The following HACD3 variants were observed in gnomAD, a reference collection of about 807,000 sequenced individuals.
The protein encoded by HACD3 is 3-hydroxyacyl-CoA dehydratase 3, also known as very-long-chain (3R)-3-hydroxyacyl-CoA dehydratase 3.
Under a neutral mutation model 55.2 loss-of-function variants are expected in HACD3, and 30 were observed. That is an observed-to-expected ratio of 0.54 (90% CI 0.41 to 0.74). The LOEUF is 0.74. Ranked by LOEUF, HACD3 falls within the 30% of genes least tolerant of loss-of-function variation. The pLI, the probability that HACD3 is intolerant of heterozygous loss-of-function variation, is 0.00. For synonymous variants in HACD3, 141 were observed against 151.7 expected, an observed-to-expected ratio of 0.93 and a Z score of 0.52; for missense variants, 363 against 440.1, an observed-to-expected ratio of 0.82 and a Z score of 1.57.
In HACD3 at chr15:65,530,637, G is replaced by A. The variant is rs1168196943; in HGVS notation, c.6G>A (p.Glu2=). 6.3e-7 allele frequency: 1 copy of A among 1,577,790 alleles called. No individual in the cohort carries two copies. The highest frequency in any genetic ancestry group is 8.6e-7 in the Non-Finnish European group (1 of 1,162,870). The change falls in exon 1 of 11, where the codon GAG becomes GAA. Residue 2 remains glutamate (E), a synonymous_variant. Transcript: ENST00000261875. The part of the protein sequence containing the change: M[E]NQVLTPHVYW... The stretch of plus-strand genomic sequence containing the variant: ...GCGCCCTGGGCAGTGTGGCCATGGA[G>A]AATCAGGTGTTGACGCCGCATGTCT...
intron 1 of HACD3, among the ~76,000 whole-genome samples, chr15:65,545,360 A>G (rs549938522): frequency 9.2e-5 from 14 of 152,056 alleles, no homozygotes; most frequent in South Asian, 6.2e-4. Context: ...TTACAAGACA[A>G]TTGGCATGGG....
At chr15:65,571,447 T>C (rs2072346644) in intron 8 of HACD3, 101 bp from the exon 9 acceptor site, 1 of 824,686 alleles carries the variant, frequency 1.2e-6, no homozygotes, top group Non-Finnish European at 2.0e-6. Context: ...GAAGAAGCCA[T>C]GTGTGGCTGA....
intron 5 of HACD3, 97 bp downstream of exon 5, chr15:65,558,828 C>T (rs973020181): frequency 1.1e-5 from 15 of 1,407,786 alleles, no homozygotes; most frequent in Non-Finnish European, 1.3e-5. Flanking sequence ...ATGATTTCAT[C>T]CCGGTGAGCT....
chr15:65,559,844 A>G (rs559453872), intron 5 of HACD3, among the ~76,000 whole-genome samples: 38 of 152,308 alleles, frequency 2.5e-4, no homozygotes, highest in South Asian at 8.3e-4. Flanking sequence ...TCAAAAATAG[A>G]TAAAAATTCT....
At chr15:65,570,683 A>G (rs1279899293) in intron 8 of HACD3, among the ~76,000 whole-genome samples, 2 of 152,222 alleles carry the variant, frequency 1.3e-5, no homozygotes, top group Non-Finnish European at 2.9e-5. Context: ...TGTTAGTAGC[A>G]TAAATATCTT....
At chr15:65,553,164 T>C (rs188720569) in intron 2 of HACD3, 7 of 152,404 alleles carry the variant, frequency 4.6e-5, no homozygotes, top group African/African-American at 1.7e-4. Flanking sequence ...CCAATTTTAG[T>C]ATATGTGCTG....
intron 1 of HACD3, among the ~76,000 whole-genome samples, chr15:65,533,623 G>T (rs2071924356): frequency 6.6e-6 from 1 of 151,306 alleles, no homozygotes; most frequent in South Asian, 2.1e-4. Flanking sequence ...ACATGGCCTG[G>T]CTGTGAGTGC....
At position 65,577,520 on chromosome 15, in the gene HACD3, G is replaced by C. The variant is rs2072417766; in HGVS notation, c.*1141G>C. The C allele has an allele frequency of 6.6e-6, 1 of 152,288 alleles. No homozygotes were observed. The highest frequency in any genetic ancestry group is 6.6e-5 in the Admixed American group (1 of 15,266). 9.4% of individuals were successfully genotyped at this position (152,288 alleles called of 1,614,324 possible). A position where few individuals can be genotyped will look rare whatever the true frequency, so the allele number is the denominator to read the frequency against. On this transcript the variant is annotated 3_prime_UTR_variant, in exon 11 of 11. Transcript: ENST00000261875. The stretch of plus-strand genomic sequence containing the variant: ...GATCCAAAGGGAACACAGTATGTAG[G>C]TCAAACTGGCAGTAACAGTGTACAG...
At chr15:65,550,415 A>G (rs2072121044) in intron 1 of HACD3, among the ~76,000 whole-genome samples, 1 of 152,162 alleles carries the variant, frequency 6.6e-6, no homozygotes, top group Admixed American at 6.6e-5. Context: ...CATATCAGAT[A>G]AAATGGATAA....
At chr15:65,556,924 C>A in intron 4 of HACD3, 21 bp downstream of exon 4, 1 of 1,598,226 alleles carries the variant, frequency 6.3e-7, no homozygotes, top group South Asian at 1.1e-5. Context: ...ATCCTAGGAT[C>A]TAGCCATTGA....
At chr15:65,534,760 G>A (rs1351673729) in intron 1 of HACD3, among the ~76,000 whole-genome samples, 1 of 152,134 alleles carries the variant, frequency 6.6e-6, no homozygotes, top group East Asian at 1.9e-4. Flanking sequence ...TGAACCTGAC[G>A]CTCTTCATCC....
At position 65,530,587 on chromosome 15, in the gene HACD3, G is replaced by A. The variant is rs2071886073; in HGVS notation, c.-45G>A. On this transcript the variant is annotated 5_prime_UTR_variant, in exon 1 of 11. Transcript: ENST00000261875. ...CCAGCAGAGCACTACCTGAGGCAGC[G>A]AGGCGCAGCGAGCCTAGCCTCCCCG... 2.6e-6 allele frequency: 4 copies of A among 1,513,258 alleles called. No individual in the cohort carries two copies. Among genetic ancestry groups the A allele is most frequent in the Non-Finnish European group, 3.6e-6 (4 of 1,116,078 alleles). The allele number at this position is 1,513,258 out of a possible 1,614,324, so 93.7% of individuals were successfully genotyped here. A position where few individuals can be genotyped will look rare whatever the true frequency, so the allele number is the denominator to read the frequency against.
At chr15:65,575,831 G>T (rs533981621) in intron 10 of HACD3, among the ~76,000 whole-genome samples, 2 of 152,294 alleles carry the variant, frequency 1.3e-5, no homozygotes, top group African/African-American at 4.8e-5. Flanking sequence ...GGTGGCTTAC[G>T]CCTGTAATCC....
chr15:65,541,413 C>A (rs1259669645), intron 1 of HACD3, among the ~76,000 whole-genome samples: 1 of 152,116 alleles, frequency 6.6e-6, no homozygotes, highest in Non-Finnish European at 1.5e-5. Context: ...CCAAAACACA[C>A]CTTGTAGTTA....
At chr15:65,572,489 T>C (rs2072357707) in intron 10 of HACD3, 123 bp downstream of exon 10, 5 of 1,222,048 alleles carry the variant, frequency 4.1e-6, no homozygotes, top group Non-Finnish European at 4.4e-6. Flanking sequence ...GAATGATTAC[T>C]TTGCAAAAAC....
At chr15:65,542,288 G>A (rs1166953162) in intron 1 of HACD3, among the ~76,000 whole-genome samples, 5 of 150,958 alleles carry the variant, frequency 3.3e-5, no homozygotes, top group African/African-American at 1.2e-4. Context: ...GTTTGAGACA[G>A]GGTCTCACTC....
At chr15:65,564,402 T>G in intron 7 of HACD3, 60 bp downstream of exon 7, 1 of 1,569,100 alleles carries the variant, frequency 6.4e-7, no homozygotes, top group Non-Finnish European at 8.7e-7. Context: ...GTCTAGTGGG[T>G]ATGTGTATTA....
chr15:65,571,568 C>G lies in HACD3; in HGVS notation c.794C>G (p.Thr265Arg). The G allele has an allele frequency of 6.2e-7, 1 of 1,613,348 alleles. No homozygotes were observed. Among genetic ancestry groups the G allele is most frequent in the Non-Finnish European group, 8.5e-7 (1 of 1,179,334 alleles). Residue 265 changes from threonine to arginine, a missense_variant, in exon 9 of 11, where the codon ACG becomes AGG. By Grantham distance (71) the Thr-to-Arg change is moderately conservative. Coordinates refer to ENST00000261875, the MANE Select transcript of HACD3 (RefSeq NM_016395.4). ...AATAGGTACTCTTTCTACATGCTGACGTGCATTGACATGGATTGGAAGGTG... is the reference window on the plus strand; with the variant it reads ...AATAGGTACTCTTTCTACATGCTGAGGTGCATTGACATGGATTGGAAGGTG... ...EIFRYSFYML[T>R]CIDMDWKVLT...
At chr15:65,561,111 G>A (rs1275464852) in intron 5 of HACD3, among the ~76,000 whole-genome samples, 1 of 152,032 alleles carries the variant, frequency 6.6e-6, no homozygotes, top group Non-Finnish European at 1.5e-5. Flanking sequence ...GTCTCTTTGA[G>A]CTAGTTTGAC....
Sources: gnomAD v4.1 joint callset for allele counts (sites outside exome capture counted in the v4.1 genomes callset) on GRCh38, gnomAD v4.1.1 for gene constraint, MANE v1.5 for transcripts, NCBI Gene and HGNC (gene_info 2026-07-23, HGNC 2026-07-21) for gene names.